The following CTCFL variants were observed in gnomAD, a reference collection of about 807,000 sequenced individuals.
CTCFL encodes transcriptional repressor CTCFL.
A neutral mutation model predicts 67.4 loss-of-function variants in CTCFL; 36 were observed. That is an observed-to-expected ratio of 0.53 (90% CI 0.41 to 0.71). CTCFL has a LOEUF of 0.71. Ranked by LOEUF, CTCFL falls within the 30% of genes least tolerant of loss-of-function variation. CTCFL has a pLI of 0.00. For missense variants in CTCFL, 786 were observed against 835.2 expected (o/e 0.94, Z 0.73); for synonymous variants, 324 against 302.3 (o/e 1.07, Z -0.75).
At chr20:57,507,330 T>C in intron 9 of CTCFL, 1 of 478,256 alleles carries the variant, frequency 2.1e-6, no homozygotes. Flanking sequence ...TAGCTGGGAT[T>C]ACAAGCGTGC....
intron 5 of CTCFL, among the ~76,000 whole-genome samples, 190 bp from the exon 6 acceptor site, chr20:57,516,024 C>G (rs1025286347): frequency 6.6e-6 from 1 of 152,108 alleles, no homozygotes; most frequent in Non-Finnish European, 1.5e-5. Flanking sequence ...GATTTTATCT[C>G]ATTTGATGTG....
Position 57,524,200 on chromosome 20 carries a change from T to A in CTCFL, c.6A>T (p.Ala2=). Residue 2 remains alanine, a synonymous_variant, in exon 2 of 11, where the codon GCA becomes GCT. Transcript: ENST00000243914. ...CAGAAAGGACAGAGATCTCAGTGGC[T>A]GCCATAATGACTTGGCCTGTTTGAA... M[A]ATEISVLSEQ... 1 of 1,612,250 alleles carries A rather than the reference T, an allele frequency of 6.2e-7. No individual in the cohort carries two copies.
At position 57,503,519 on chromosome 20, in the gene CTCFL, T is replaced by C. The variant is rs1256136128; in HGVS notation, c.1757A>G (p.Lys586Arg). Residue 586 changes from lysine to arginine, a missense_variant, in exon 10 of 11, where the codon AAG becomes AGG. By Grantham distance (26) the Lys-to-Arg change is conservative. This residue lies in a region of CTCFL where 199 missense variants were observed against 196.7 expected (regional missense o/e 1.01). Coordinates refer to ENST00000243914, the MANE Select transcript of CTCFL (RefSeq NM_001386993.1). ...TTCCTTCAGGATGGTCTGCTTCCTC[T>C]TTCTTGTTCTTCTTCCCTTTCCTGA... ...AASGKGRRTR[K>R]RKQTILKEAT... 2 of 1,614,248 alleles carry C rather than the reference T, an allele frequency of 1.2e-6. No homozygotes were observed. The highest frequency in any genetic ancestry group is 2.7e-5 in the African/African-American group (2 of 75,072).
At chr20:57,515,468 A>C (rs1001316596) in intron 6 of CTCFL, 2 of 473,464 alleles carry the variant, frequency 4.2e-6, no homozygotes, top group Non-Finnish European at 7.5e-6. Flanking sequence ...TAAATACCTG[A>C]AAAATCTACG....
chr20:57,507,169 C>A, intron 9 of CTCFL: 3 of 435,300 alleles, frequency 6.9e-6, no homozygotes, highest in African/African-American at 2.2e-5. Context: ...CTTCATGGTT[C>A]ATTTCTTGTG....
At chr20:57,506,970 A>C (rs1402709889) in intron 9 of CTCFL, 1 of 984,932 alleles carries the variant, frequency 1.0e-6, no homozygotes, top group Non-Finnish European at 1.2e-6. Context: ...TGTTTTAAGA[A>C]GAAATATTTT....
At chr20:57,524,324 C>T in intron 1 of CTCFL, 108 bp from the exon 2 acceptor site, 1 of 1,509,378 alleles carries the variant, frequency 6.6e-7, no homozygotes, top group Admixed American at 2.2e-5. Context: ...GAAACAAGGT[C>T]TGGCCTCAAA....
At chr20:57,519,153 A>G in intron 4 of CTCFL, 54 bp downstream of exon 4, 1 of 1,551,196 alleles carries the variant, frequency 6.4e-7, no homozygotes, top group Non-Finnish European at 8.8e-7. Context: ...CACATTCTTA[A>G]CATAAGCCTT....
intron 7 of CTCFL, chr20:57,513,214 A>T: frequency 1.0e-6 from 1 of 977,946 alleles, no homozygotes. Flanking sequence ...TTATATAAAA[A>T]GATATAATAT....
chr20:57,501,922 C>G (rs1299593646), intron 10 of CTCFL, among the ~76,000 whole-genome samples: 3 of 152,246 alleles, frequency 2.0e-5, no homozygotes, highest in Non-Finnish European at 4.4e-5. Context: ...TGATGGAGCT[C>G]TCTCCCTGTC....
chr20:57,518,638 T>A, intron 5 of CTCFL, 120 bp downstream of exon 5: 1 of 1,576,754 alleles, frequency 6.3e-7, no homozygotes. Context: ...CTGCATAAAT[T>A]TTATATGAAT....
chr20:57,517,919 CAACCTTTAACTCAGATGAGAAAT>C (rs959414981), intron 5 of CTCFL, among the ~76,000 whole-genome samples: 6 of 152,324 alleles, frequency 3.9e-5, no homozygotes, highest in Non-Finnish European at 8.8e-5. Context: ...ACTACAATCA[CAACCTTTAACTCAGATGAGAAAT>C]AATTTTTTTA....
intron 10 of CTCFL, among the ~76,000 whole-genome samples, chr20:57,499,058 G>A (rs1285583739): frequency 1.7e-5 from 2 of 117,006 alleles, no homozygotes; most frequent in African/African-American, 7.3e-5. Context: ...CATTGCCAGT[G>A]TCCCCTGAAG....
intron 9 of CTCFL, among the ~76,000 whole-genome samples, chr20:57,505,620 T>G (rs971639517): frequency 6.6e-6 from 1 of 152,228 alleles, no homozygotes; most frequent in Admixed American, 6.5e-5. Context: ...AACCAAAAAT[T>G]CAATACATCA....
chr20:57,506,682 C>A, intron 9 of CTCFL: 1 of 482,184 alleles, frequency 2.1e-6, no homozygotes, highest in Non-Finnish European at 2.7e-6. Context: ...AGACACAAGT[C>A]CAAATATGCT....
At position 57,525,087 on chromosome 20, in the gene CTCFL, C is replaced by G. The variant is rs1253500813; in HGVS notation, c.-71G>C. The G allele has an allele frequency of 2.0e-5, 3 of 151,996 alleles. No individual in the cohort carries two copies. The highest frequency in any genetic ancestry group is 7.3e-5 in the African/African-American group (3 of 41,290). The allele number at this position is 151,996 out of a possible 1,614,324, so 9.4% of individuals were successfully genotyped here. A position where few individuals can be genotyped will look rare whatever the true frequency, so the allele number is the denominator to read the frequency against. On this transcript the variant is annotated 5_prime_UTR_variant, in exon 1 of 11. Transcript: ENST00000243914. The stretch of plus-strand genomic sequence containing the variant: ...CGTCTTTGGCTTGTGGGCTCTGCCT[C>G]GTGCACCGCGTGCTGCAGCCCACAG...
chr20:57,508,265 ATT>A (rs2068330640), intron 9 of CTCFL, among the ~76,000 whole-genome samples: 1 of 152,134 alleles, frequency 6.6e-6, no homozygotes, highest in South Asian at 2.1e-4. Flanking sequence ...TGAAAACTGC[ATT>A]CTCTCTGTCA....
intron 9 of CTCFL, chr20:57,507,766 C>T (rs1309351734): frequency 1.4e-6 from 1 of 702,890 alleles, no homozygotes; most frequent in East Asian, 2.7e-5. Context: ...CCAGTTCAGC[C>T]ACTTCCGAGT....
intron 3 of CTCFL, among the ~76,000 whole-genome samples, chr20:57,521,831 G>A (rs144147778): frequency 1.3e-5 from 2 of 152,170 alleles, no homozygotes; most frequent in Non-Finnish European, 2.9e-5. Flanking sequence ...AAAGGCACAT[G>A]GTATACATAT....
Sources: gnomAD v4.1 joint callset for allele counts (sites outside exome capture counted in the v4.1 genomes callset) on GRCh38, gnomAD v4.1.1 for gene constraint, gnomAD v4.1.1 regional missense constraint, MANE v1.5 for transcripts, NCBI Gene and HGNC (gene_info 2026-07-23, HGNC 2026-07-21) for gene names.